The following USF3 variants were observed in gnomAD, a reference collection of about 807,000 sequenced individuals.
USF3 encodes the protein upstream transcription factor family member 3.
USF3 carries 29 observed loss-of-function variants against 157.5 expected under a neutral mutation model. The ratio of observed to expected loss-of-function variants is 0.18; its 90% CI spans 0.14 to 0.25. USF3 has a LOEUF of 0.25. Among genes scored for constraint, USF3 ranks in the 10% least tolerant of loss-of-function variants. The pLI is 1.00. For missense variants in USF3, 2,381 were observed against 2,667.6 expected, an observed-to-expected ratio of 0.89 and a Z score of 2.37; for synonymous variants, 893 against 941.4, an observed-to-expected ratio of 0.95 and a Z score of 0.94.
At chr3:113,686,055 C>G (rs139173027) in intron 1 of USF3, among the ~76,000 whole-genome samples, 2,362 of 152,292 alleles carry the variant, frequency 0.016, 50 homozygotes, top group African/African-American at 0.052. Flanking sequence ...AAGCCCAGTG[C>G]AGCACTAGGA....
chr3:113,689,064 C>CAAAAAT (rs1404078700), intron 1 of USF3, among the ~76,000 whole-genome samples: 1 of 70,446 alleles, frequency 1.4e-5, no homozygotes, highest in African/African-American at 4.7e-5. Context: ...CAAACAAAAA[C>CAAAAAT]CAGATGCTAT....
chr3:113,689,294 C>T (rs1248962393), intron 1 of USF3, among the ~76,000 whole-genome samples: 1 of 152,176 alleles, frequency 6.6e-6, no homozygotes, highest in Non-Finnish European at 1.5e-5. Flanking sequence ...CATGATGATA[C>T]ATTTTACCGA....
intron 1 of USF3, among the ~76,000 whole-genome samples, chr3:113,682,483 T>C (rs1707456542): frequency 6.6e-6 from 1 of 152,196 alleles, no homozygotes; most frequent in Non-Finnish European, 1.5e-5. Context: ...CTTAAGTCCA[T>C]TTGGTCAATA....
rs2107915774 is a variant in USF3, at chr3:113,655,540, G to A, written c.6142C>T (p.Pro2048Ser). ...TGGTCAGGACCTGAATTATCATTAG[G>A]TACTTGTGGGCTATCAGGCATGAAA... is the stretch of plus-strand genomic sequence containing the variant. ...VRFMPDSPQV[P>S]NDNSGPDQHT... is the part of the protein sequence containing the mutation. The change falls in exon 7 of 7, where the codon CCT (proline) becomes TCT (serine). Residue 2048 changes from proline (P) to serine (S), a missense_variant. Physicochemically the swap from Pro to Ser is moderately conservative, Grantham distance 74. Coordinates refer to ENST00000316407, the MANE Select transcript of USF3 (RefSeq NM_001009899.4). 4.3e-6 allele frequency: 7 copies of A among 1,614,146 alleles called. No individual in the cohort carries two copies. The highest frequency in any genetic ancestry group is 2.2e-5 in the East Asian group (1 of 44,894).
At chr3:113,687,644 A>G (rs1707588214) in intron 1 of USF3, among the ~76,000 whole-genome samples, 1 of 152,222 alleles carries the variant, frequency 6.6e-6, no homozygotes, top group Admixed American at 6.5e-5. Flanking sequence ...CTTATTTGTA[A>G]TATCTTTCTG....
At chr3:113,688,819 T>G (rs1707618428) in intron 1 of USF3, among the ~76,000 whole-genome samples, 1 of 152,120 alleles carries the variant, frequency 6.6e-6, no homozygotes, top group Non-Finnish European at 1.5e-5. Context: ...GGCGGGTGGA[T>G]CACGAGGTCA....
At chr3:113,694,809 C>A (rs1707764524) in intron 1 of USF3, among the ~76,000 whole-genome samples, 1 of 152,218 alleles carries the variant, frequency 6.6e-6, no homozygotes, top group African/African-American at 2.4e-5. Flanking sequence ...CTTTCGGAAA[C>A]AGAGGCAGGC....
rs150811091 is a variant in USF3, at chr3:113,664,578, G to A, written c.160-169C>T. ...ACTGTATATTTTTCATTTATTAAAT[G>A]GTTATTGGGCAGCTAATGAGTGGCA... On this transcript the variant is annotated intron_variant, in intron 5 of 6. Transcript: ENST00000316407. Among the ~76,000 whole-genome samples, 22 of 152,256 alleles carry A rather than the reference G, an allele frequency of 1.4e-4. 1 individual carries two copies. The East Asian group carries it at 3.7e-3, about 25-fold the overall frequency.
chr3:113,659,570 G>A lies in USF3; in HGVS notation c.2112C>T (p.Ala704=). The stretch of plus-strand genomic sequence containing the variant: ...TGGCCAAAGCACCAAATGTATTCAG[G>A]GCAACATTGGTATTTGGATCTTCGC... The part of the protein sequence containing the change: ...TTSEDPNTNV[A]LNTFGALASL... Residue 704 remains alanine, a synonymous_variant, in exon 7 of 7, where the codon GCC becomes GCT. Transcript: ENST00000316407. The A allele has an allele frequency of 6.2e-7, 1 of 1,614,040 alleles. No individual in the cohort carries two copies.
rs568263187 is a variant in USF3, at chr3:113,673,976, AAC to A, written c.48-602_48-601del. Among the ~76,000 whole-genome samples the A allele has an allele frequency of 7.2e-5, 11 of 152,342 alleles. 1 individual carries two copies. The South Asian group carries it at 2.3e-3, about 32-fold the overall frequency. ...TTCCTTTTTATACACAATTACTCAAAACATTAGCATTCTCTAATAGCTATTTG... is the reference window on the plus strand; with the variant it reads ...TTCCTTTTTATACACAATTACTCAAAATTAGCATTCTCTAATAGCTATTTG... On this transcript the variant is annotated intron_variant, in intron 3 of 6. Transcript: ENST00000316407.
Position 113,649,108 on chromosome 3 carries a change from G to A in USF3, c.*5836C>T, listed in dbSNP as rs1376413572. 6.6e-6 allele frequency: 1 copy of A among 152,500 alleles called. No homozygotes were observed. Among genetic ancestry groups the A allele is most frequent in the Non-Finnish European group, 1.5e-5 (1 of 68,046 alleles). The allele number at this position is 152,500 out of a possible 1,614,324, so 9.4% of individuals were successfully genotyped here. On this transcript the variant is annotated 3_prime_UTR_variant, in exon 7 of 7. Transcript: ENST00000316407. ...AAGACTTCAGGGGTGGGAGCACAGAGAAGTCTTAGAAAAGTGAAGGGATTT... is the reference window on the plus strand; with the variant it reads ...AAGACTTCAGGGGTGGGAGCACAGAAAAGTCTTAGAAAAGTGAAGGGATTT...
chr3:113,684,652 T>C (rs976681322), intron 1 of USF3, among the ~76,000 whole-genome samples: 1 of 152,164 alleles, frequency 6.6e-6, no homozygotes, highest in Non-Finnish European at 1.5e-5. Flanking sequence ...ATTCTTTAGT[T>C]TGTCTATTGA....
chr3:113,689,698 C>G (rs1183960630), intron 1 of USF3, among the ~76,000 whole-genome samples: 1 of 152,176 alleles, frequency 6.6e-6, no homozygotes, highest in Non-Finnish European at 1.5e-5. Context: ...CCAATCTCTC[C>G]TAAACCTTCT....
intron 6 of USF3, among the ~76,000 whole-genome samples, chr3:113,662,385 G>T (rs1037708622): frequency 5.3e-5 from 8 of 152,152 alleles, no homozygotes; most frequent in African/African-American, 1.9e-4. Context: ...CACTAATGGG[G>T]CAGGCTTAGC....
rs771795931 is a variant in USF3, at chr3:113,660,187, G to A, written c.1495C>T (p.Pro499Ser). The change falls in exon 7 of 7, where the codon CCT becomes TCT. Residue 499 changes from proline to serine, a missense_variant. By Grantham distance (74) the Pro-to-Ser change is moderately conservative (BLOSUM62 -1). Around this residue, in one of 6 missense-constraint regions of USF3, gnomAD observed 1,435 missense variants for 1,550.9 expected, o/e 0.93. Transcript: ENST00000316407. ...QPVEQVVVTL[P>S]SCPSLPMQPL... is the part of the protein sequence containing the mutation. ...TGCATAGGTAAAGATGGACAAGAAG[G>A]CAATGTTACAACTACTTGCTCAACT... is the stretch of plus-strand genomic sequence containing the variant. 3.1e-6 allele frequency: 5 copies of A among 1,614,054 alleles called. No homozygotes were observed. The highest frequency in any genetic ancestry group is 1.3e-5 in the African/African-American group (1 of 74,922).
At chr3:113,681,725 T>A (rs1046388452) in intron 1 of USF3, among the ~76,000 whole-genome samples, 9 of 135,100 alleles carry the variant, frequency 6.7e-5, no homozygotes, top group Non-Finnish European at 7.6e-5. Context: ...AAAAAAAAAA[T>A]TTTTTTTTTT....
Position 113,660,960 on chromosome 3 carries a change from G to A in USF3, c.722C>T (p.Thr241Ile). The A allele has an allele frequency of 3.1e-6, 5 of 1,614,200 alleles. No individual in the cohort carries two copies. Among genetic ancestry groups the A allele is most frequent in the South Asian group, 1.1e-5 (1 of 91,082 alleles). ...ISAQSILELP[T>I]SESESNVLGA... ...AAGCACATTTGATTCGCTTTCAGAG[G>A]TGGGAAGCTCGAGAATACTCTGAGC... Residue 241 changes from threonine to isoleucine, a missense_variant, in exon 7 of 7, where the codon ACC (threonine) becomes ATC (isoleucine). Physicochemically the swap from Thr to Ile is moderately conservative, Grantham distance 89. Coordinates refer to ENST00000316407, the MANE Select transcript of USF3 (RefSeq NM_001009899.4).
chr3:113,652,466 G>T lies in USF3; in HGVS notation c.*2478C>A, dbSNP rs1168900984. On this transcript the variant is annotated 3_prime_UTR_variant, in exon 7 of 7. Coordinates refer to ENST00000316407, the MANE Select transcript of USF3 (RefSeq NM_001009899.4). ...AGAAAATACAGGTTGTTCTTGCTTT[G>T]TAAGCAAGAAAAAAAAAAATATTGT... The T allele has an allele frequency of 6.6e-6, 1 of 150,546 alleles. No individual in the cohort carries two copies. Among genetic ancestry groups the T allele is most frequent in the Non-Finnish European group, 1.5e-5 (1 of 67,798 alleles). The allele number at this position is 150,546 out of a possible 1,614,324, so 9.3% of individuals were successfully genotyped here. A position where few individuals can be genotyped will look rare whatever the true frequency, so the allele number is the denominator to read the frequency against.
chr3:113,656,487 G>A lies in USF3; in HGVS notation c.5195C>T (p.Ser1732Phe), dbSNP rs539028506. The change falls in exon 7 of 7, where the codon TCT becomes TTT. Residue 1732 changes from serine (S) to phenylalanine (F), a missense_variant. Around this residue, in one of 6 missense-constraint regions of USF3, gnomAD observed 770 missense variants for 824.2 expected, o/e 0.93. Transcript: ENST00000316407. Reference protein sequence around the residue: ...DHTVASDIRLSDCQTFKPSGA... With the variant: ...DHTVASDIRLFDCQTFKPSGA... ...ACTTGGTTTAAACGTCTGACAATCAGAAAGGCGGATATCTGAGGCCACAGT... is the reference window on the plus strand; with the variant it reads ...ACTTGGTTTAAACGTCTGACAATCAAAAAGGCGGATATCTGAGGCCACAGT... 3 of 1,614,072 alleles carry A rather than the reference G, an allele frequency of 1.9e-6. No homozygotes were observed. The highest frequency in any genetic ancestry group is 2.5e-6 in the Non-Finnish European group (3 of 1,180,048).
Sources: allele counts gnomAD v4.1 joint callset (sites outside exome capture counted in the v4.1 genomes callset), GRCh38; gene constraint gnomAD v4.1.1; regional missense constraint gnomAD v4.1.1; transcripts MANE v1.5; gene names NCBI Gene and HGNC (gene_info 2026-07-23, HGNC 2026-07-21).